Variants in TTN observed in about 807,000 individuals in gnomAD.
The protein encoded by TTN is titin, also known as connectin.
A neutral mutation model predicts 3,223.0 loss-of-function variants in TTN; 1,525 were observed. That is an observed-to-expected ratio of 0.47 (90% CI 0.45 to 0.49). The LOEUF is 0.49. TTN is among the 20% of genes least tolerant of loss of function. TTN has a pLI of 0.00. For synonymous variants in TTN, 14,094 were observed against 15,161.0 expected (o/e 0.93, Z 5.17); for missense variants, 40,786 against 43,424.0 (o/e 0.94, Z 5.40).
rs367685557 is a variant in TTN at position 178,574,873 on chromosome 2, G to A, written c.71259C>T (p.Asn23753=). ...AGTTGCTTATTGGTACACCACCATC[G>A]TTCTCAGGTGGGTCCCAAGAGAAGG... ...FVTFSWDPPE[N]DGGVPISNYV... Residue 23753 remains asparagine, a synonymous_variant, in exon 326 of 363, where the codon AAC becomes AAT. Coordinates refer to ENST00000589042, the MANE Select transcript of TTN (RefSeq NM_001267550.2). The A allele has an allele frequency of 7.1e-5, 114 of 1,612,790 alleles. No individual in the cohort carries two copies. Among genetic ancestry groups the A allele is most frequent in the Non-Finnish European group, 8.6e-5 (101 of 1,179,490 alleles).
Position 178,575,790 on chromosome 2 carries a change from T to C in TTN, c.70342A>G (p.Thr23448Ala). The change falls in exon 326 of 363, where the codon ACA (threonine) becomes GCA (alanine). Residue 23448 changes from threonine (T) to alanine (A), a missense_variant. Physicochemically the swap from Thr to Ala is moderately conservative, Grantham distance 58. Coordinates refer to ENST00000589042, the MANE Select transcript of TTN (RefSeq NM_001267550.2). This position sits in a 1 kb window ranked among gnomAD's most constrained non-coding sequence, Gnocchi z 4.0. ...CAGTGCAGGGTGACACTGTCCTTTG[T>C]GATGTCTGTAGGCCGCAGGTTGAGG... ...PVLNLRPTDI[T>A]KDSVTLHWDL... is the part of the protein sequence containing the mutation. 6.2e-7 allele frequency: 1 copy of C among 1,613,134 alleles called. No homozygotes were observed. Among genetic ancestry groups the C allele is most frequent in the Middle Eastern group, 1.7e-4 (1 of 6,056 alleles).
At chr2:178,755,420 T>C (rs1037830847) in intron 46 of TTN, among the ~76,000 whole-genome samples, 1 of 152,094 alleles carries the variant, frequency 6.6e-6, no homozygotes, top group Admixed American at 6.6e-5. Flanking sequence ...TTATTTTCAG[T>C]GCCCAATTTT....
Position 178,574,940 on chromosome 2 carries a change from G to C in TTN, c.71192C>G (p.Thr23731Ser). The C allele has an allele frequency of 1.2e-6, 2 of 1,613,094 alleles. No homozygotes were observed. Among genetic ancestry groups the C allele is most frequent in the Non-Finnish European group, 1.7e-6 (2 of 1,179,498 alleles). Residue 23731 changes from threonine to serine, a missense_variant, in exon 326 of 363, where the codon ACT becomes AGT. Thr to Ser is a moderately conservative substitution (Grantham distance 58, BLOSUM62 1). Transcript: ENST00000589042. Reference protein sequence around the residue: ...IQVHDIPGPPTGPIKFDEVSS... With the variant: ...IQVHDIPGPPSGPIKFDEVSS... ...AACTTCATCAAATTTGATTGGTCCA[G>C]TAGGTGGCCCTGGGATATCATGGAC...
chr2:178,684,588 T>C (rs534179497), intron 131 of TTN, 78 bp downstream of exon 131: 292 of 1,476,664 alleles, frequency 2.0e-4, no homozygotes, highest in South Asian at 9.3e-4. Flanking sequence ...ATAAACAGTA[T>C]GACCCAAAGA....
At position 178,677,431 on chromosome 2, in the gene TTN, A is replaced by G. The variant is rs2742350; in HGVS notation, c.34292-144T>C. The G allele has an allele frequency of 0.024, 15,962 of 659,914 alleles. 306 individuals are homozygous for G. The highest frequency in any genetic ancestry group is 0.088 in the East Asian group (2,784 of 31,728). 40.9% of individuals were successfully genotyped at this position (659,914 alleles called of 1,614,324 possible). A position where few individuals can be genotyped will look rare whatever the true frequency, so the allele number is the denominator to read the frequency against. The stretch of plus-strand genomic sequence containing the variant: ...ATGTGATTTGAAAAGACATTTAGAT[A>G]ATTTACAATAGACAGATACACAAGG... On this transcript the variant is annotated intron_variant, in intron 146 of 362. Coordinates refer to ENST00000589042, the MANE Select transcript of TTN (RefSeq NM_001267550.2).
At chr2:178,528,211 AG>A in intron 361 of TTN, 62 bp downstream of exon 361, 1 of 1,528,826 alleles carries the variant, frequency 6.5e-7, no homozygotes, top group Non-Finnish European at 8.8e-7. Context: ...TGCTTGAAAG[AG>A]AGGCAAAAAA....
At chr2:178,751,910 G>A (rs752613210) in intron 47 of TTN, 1 of 1,593,566 alleles carries the variant, frequency 6.3e-7, no homozygotes, top group Non-Finnish European at 8.5e-7. Context: ...TTCAGGCCAG[G>A]AGCTTGTAGA....
chr2:178,768,979 T>C, intron 37 of TTN, 46 bp from the exon 38 acceptor site: 1 of 1,605,632 alleles, frequency 6.2e-7, no homozygotes, highest in Non-Finnish European at 8.5e-7. Context: ...TTTACGTAAA[T>C]ATGATGTGGG....
Position 178,554,438 on chromosome 2 carries a change from G to A in TTN, c.88894+15C>T, listed in dbSNP as rs761704497. Reference sequence around the variant, plus strand: ...ATTTTTCACGTTTCAGTTTTCTAATGAAATCATGTCTCACCAAATGCGTTC... The same window carrying A: ...ATTTTTCACGTTTCAGTTTTCTAATAAAATCATGTCTCACCAAATGCGTTC... On this transcript the variant is annotated intron_variant, in intron 332 of 362. Transcript: ENST00000589042. 4.4e-6 allele frequency: 7 copies of A among 1,607,130 alleles called. No individual in the cohort carries two copies. The Admixed American group carries it at 1.2e-4, about 27-fold the overall frequency.
In TTN at chr2:178,678,780, C is replaced by A. The variant is rs781385638; in HGVS notation, c.33793G>T (p.Val11265Phe). ...PVPEEKVPVPVPKKVEAPPAK... is the reference protein window; with the variant it reads ...PVPEEKVPVPFPKKVEAPPAK... ...GGTGGAGCTTCCACCTTTTTAGGAACTGGTACTGGTACTTTCTCCTCTGGC... is the reference window on the plus strand; with the variant it reads ...GGTGGAGCTTCCACCTTTTTAGGAAATGGTACTGGTACTTTCTCCTCTGGC... The change falls in exon 143 of 363, where the codon GTT becomes TTT. Residue 11265 changes from valine (V) to phenylalanine (F), a missense_variant. Physicochemically the swap from Val to Phe is conservative, Grantham distance 50 (BLOSUM62 -1). Coordinates refer to ENST00000589042, the MANE Select transcript of TTN (RefSeq NM_001267550.2). 1.2e-6 allele frequency: 2 copies of A among 1,604,132 alleles called. No homozygotes were observed. The highest frequency in any genetic ancestry group is 2.2e-5 in the East Asian group (1 of 44,510).
chr2:178,753,083 T>G (rs1211978677), intron 47 of TTN, 41 bp downstream of exon 47: 1 of 1,558,440 alleles, frequency 6.4e-7, no homozygotes, highest in South Asian at 1.1e-5. Flanking sequence ...TATTAATCCT[T>G]TAGAATTTCT....
At position 178,646,050 on chromosome 2, in the gene TTN, G is replaced by C. The variant is rs762315483; in HGVS notation, c.40298-20C>G. ...CAGGTTCTTGAAAGAGTATTTCAGA[G>C]GTGTTAGTATATGTATATGTTAGCA... On this transcript the variant is annotated intron_variant, in intron 216 of 362. Transcript: ENST00000589042. 4 of 1,418,452 alleles carry C rather than the reference G, an allele frequency of 2.8e-6. No homozygotes were observed. Among genetic ancestry groups the C allele is most frequent in the Non-Finnish European group, 3.7e-6 (4 of 1,071,618 alleles). The allele number at this position is 1,418,452 out of a possible 1,614,324, so 87.9% of individuals were successfully genotyped here.
chr2:178,740,601 C>T lies in TTN; in HGVS notation c.12632G>A (p.Gly4211Glu), dbSNP rs2082319532. 1.9e-6 allele frequency: 3 copies of T among 1,613,628 alleles called. No homozygotes were observed. The highest frequency in any genetic ancestry group is 2.5e-6 in the Non-Finnish European group (3 of 1,179,820). The change falls in exon 48 of 363, where the codon GGG (glycine) becomes GAG (glutamate). Residue 4211 changes from glycine (G) to glutamate (E), a missense_variant. Coordinates refer to ENST00000589042, the MANE Select transcript of TTN (RefSeq NM_001267550.2). ...PLKTLLAEPE[G>E]NYPQSSIEPP... ...TTCTATTGAAGACTGTGGATAATTC[C>T]CTTCAGGTTCAGCTAATAAAGTTTT...
At position 178,677,236 on chromosome 2, in the gene TTN, G is replaced by A; in HGVS notation, c.34343C>T (p.Ala11448Val). The change falls in exon 147 of 363, where the codon GCC becomes GTC. Residue 11448 changes from alanine to valine, a missense_variant. Ala to Val is a moderately conservative substitution (Grantham distance 64). Transcript: ENST00000589042. ...PVPEKKVPVP[A>V]PKKVEPPPPP... ...TGGTGGAGGTTCCACTTTTTTAGGGGCGGGAACAGGGACTTTCTTCTCTGG... is the reference window on the plus strand; with the variant it reads ...TGGTGGAGGTTCCACTTTTTTAGGGACGGGAACAGGGACTTTCTTCTCTGG... The A allele has an allele frequency of 8.2e-7, 1 of 1,222,914 alleles. No individual in the cohort carries two copies. The highest frequency in any genetic ancestry group is 1.0e-6 in the Non-Finnish European group (1 of 983,028). The allele number at this position is 1,222,914 out of a possible 1,614,324, so 75.8% of individuals were successfully genotyped here. A position where few individuals can be genotyped will look rare whatever the true frequency, so the allele number is the denominator to read the frequency against.
chr2:178,671,144 G>C lies in TTN; in HGVS notation c.35254C>G (p.Pro11752Ala). The C allele has an allele frequency of 6.2e-7, 1 of 1,602,852 alleles. No individual in the cohort carries two copies. Among genetic ancestry groups the C allele is most frequent in the Non-Finnish European group, 8.5e-7 (1 of 1,175,362 alleles). ...KGPEISEKII[P>A]PKKPPTKVVP... ...ACTTTAGTGGGCGGTTTTTTTGGAG[G>C]GATGATTTTCTCAGATATCTCAGGC... Residue 11752 changes from proline (P) to alanine (A), a missense_variant, in exon 156 of 363, where the codon CCT (proline) becomes GCT (alanine). Transcript: ENST00000589042.
Position 178,734,452 on chromosome 2 carries a change from A to G in TTN, c.15372T>C (p.Phe5124=). ...CCAGACACACAAGAGACTTCTGAGAAAACAATCTGTATTTTTTACTACTTC... is the reference window on the plus strand; with the variant it reads ...CCAGACACACAAGAGACTTCTGAGAGAACAATCTGTATTTTTTACTACTTC... ...QIRSSKKYRL[F]SQKSLVCLEI... The change falls in exon 52 of 363, where the codon TTT becomes TTC. Residue 5124 remains phenylalanine (F), a synonymous_variant. Coordinates refer to ENST00000589042, the MANE Select transcript of TTN (RefSeq NM_001267550.2). 1 of 1,613,796 alleles carries G rather than the reference A, an allele frequency of 6.2e-7. No homozygotes were observed. The highest frequency in any genetic ancestry group is 8.5e-7 in the Non-Finnish European group (1 of 1,179,756).
Position 178,751,221 on chromosome 2 carries a change from T to C in TTN, c.11311+1903A>G, listed in dbSNP as rs142723709. The C allele has an allele frequency of 3.7e-5, 59 of 1,609,932 alleles. No homozygotes were observed. Among genetic ancestry groups the C allele is most frequent in the Non-Finnish European group, 4.7e-5 (55 of 1,178,122 alleles). On this transcript the variant is annotated intron_variant, in intron 47 of 362. Transcript: ENST00000589042. ...TCACTTCTCAAAGTTCTTGAGCTTA[T>C]TTCAGAAGACGTATCTAAAAGAGAT...
Position 178,637,350 on chromosome 2 carries a change from C to T in TTN, c.40927+19G>A. On this transcript the variant is annotated intron_variant, in intron 224 of 362. Coordinates refer to ENST00000589042, the MANE Select transcript of TTN (RefSeq NM_001267550.2). ...AGAGTGGAAGGTTACAATGCAAGTA[C>T]TAGAAAAATGAATTTCACCTTTGAT... The T allele has an allele frequency of 6.2e-6, 9 of 1,449,180 alleles. No individual in the cohort carries two copies. Among genetic ancestry groups the T allele is most frequent in the Non-Finnish European group, 8.2e-6 (9 of 1,101,714 alleles). 89.8% of individuals were successfully genotyped at this position (1,449,180 alleles called of 1,614,324 possible).
Position 178,771,346 on chromosome 2 carries a change from G to A in TTN, c.7981C>T (p.Leu2661=). 1 of 1,614,102 alleles carries A rather than the reference G, an allele frequency of 6.2e-7. No homozygotes were observed. The highest frequency in any genetic ancestry group is 1.3e-5 in the African/African-American group (1 of 75,046). ...GACTCACTTCTGATGTTGTTAGTCAGTGGTAGGTGTTTGCCATCCCTCAAC... is the reference window on the plus strand; with the variant it reads ...GACTCACTTCTGATGTTGTTAGTCAATGGTAGGTGTTTGCCATCCCTCAAC... ...EWLRDGKHLP[L]TNNIRSESDG... Residue 2661 remains leucine (L), a synonymous_variant, in exon 34 of 363, where the codon CTG becomes TTG. Transcript: ENST00000589042.
Sources: allele counts gnomAD v4.1 joint callset (sites outside exome capture counted in the v4.1 genomes callset), GRCh38; gene constraint gnomAD v4.1.1; non-coding constraint Gnocchi (gnomAD v3.1); transcripts MANE v1.5; gene names NCBI Gene and HGNC (gene_info 2026-07-23, HGNC 2026-07-21).